LCOR: variants seen among roughly 807,000 people sequenced by gnomAD.
LCOR encodes ligand dependent nuclear receptor corepressor.
A neutral mutation model predicts 64.4 loss-of-function variants in LCOR; 14 were observed. The observed-to-expected ratio is 0.22, with a 90% CI of 0.14 to 0.34. LCOR has a LOEUF of 0.34. LCOR is among the 10% of genes least tolerant of loss of function. LCOR has a pLI of 1.00. For synonymous variants in LCOR, 643 were observed against 642.5 expected (o/e 1.00, Z -0.01); for missense variants, 1,686 against 1,765.3 (o/e 0.96, Z 0.80).
At chr10:96,888,363 CAAAAAAAAAAAAAAAA>C (rs61076542) in intron 2 of LCOR, among the ~76,000 whole-genome samples, 1 of 30,544 alleles carries the variant, frequency 3.3e-5, no homozygotes, top group Non-Finnish European at 5.3e-5. Context: ...GACTCCGTCT[CAAAAAAAAAAAAAAAA>C]AAAAAAAAAA....
chr10:96,962,386 G>A (rs1418286984), intron 7 of LCOR: 1 of 152,188 alleles, frequency 6.6e-6, no homozygotes, highest in Non-Finnish European at 1.5e-5. Flanking sequence ...TGAAATTCAA[G>A]CCTTTTTACT....
rs1051316911 is a variant in LCOR, at chr10:96,909,088, A to G, written c.-184+1341A>G. Among the ~76,000 whole-genome samples, 5 of 151,442 alleles carry G rather than the reference A, an allele frequency of 3.3e-5. No homozygotes were observed. In the South Asian group the frequency reaches 1.0e-3, roughly 32 times the overall value. On this transcript the variant is annotated intron_variant, in intron 4 of 7. Coordinates refer to ENST00000421806, the MANE Select transcript of LCOR (RefSeq NM_001346516.2). ...CAGTTTTTCCCTCACAACGAATTTC[A>G]TTTTTTTTCATTTCCACAATCATTA...
intron 7 of LCOR, chr10:96,957,147 G>C (rs1372732272): frequency 2.0e-6 from 2 of 984,840 alleles, no homozygotes; most frequent in Non-Finnish European, 2.4e-6. Context: ...CTAGTAGAAG[G>C]GGGAGGGAGA....
intron 2 of LCOR, among the ~76,000 whole-genome samples, chr10:96,901,858 C>T (rs1463455663): frequency 6.6e-6 from 1 of 152,150 alleles, no homozygotes; most frequent in African/African-American, 2.4e-5. Context: ...CACCTTACAC[C>T]TCCTGGGTTC....
intron 4 of LCOR, among the ~76,000 whole-genome samples, chr10:96,919,804 T>C (rs1459841207): frequency 6.6e-6 from 1 of 152,202 alleles, no homozygotes; most frequent in African/African-American, 2.4e-5. Context: ...CTTATGTTTT[T>C]CTATATTGTT....
intron 1 of LCOR, chr10:96,832,896 GC>G: frequency 6.6e-6 from 5 of 760,004 alleles, no homozygotes; most frequent in Non-Finnish European, 8.0e-6. Flanking sequence ...CGCGGGGCGC[GC>G]CCCCGGGTCT....
chr10:96,956,603 C>G (rs935851581), intron 7 of LCOR: 3 of 985,664 alleles, frequency 3.0e-6, no homozygotes, highest in Non-Finnish European at 3.6e-6. Flanking sequence ...AATGTGCACA[C>G]ACTACCTTCA....
chr10:96,943,395 T>C (rs1847532070), intron 4 of LCOR, among the ~76,000 whole-genome samples: 2 of 152,232 alleles, frequency 1.3e-5, no homozygotes, highest in South Asian at 4.1e-4. Flanking sequence ...CCTCGCCTGG[T>C]CAGATTCACT....
In LCOR at chr10:96,987,330, A is replaced by G. The variant is rs926598233; in HGVS notation, c.*2196A>G. 3.9e-5 allele frequency: 6 copies of G among 152,238 alleles called. No individual in the cohort carries two copies. The highest frequency in any genetic ancestry group is 8.8e-5 in the Non-Finnish European group (6 of 68,054). 9.4% of individuals were successfully genotyped at this position (152,238 alleles called of 1,614,324 possible). ...ATGTCAGGCATGCTGATTCCTGTACAGAAGAGGTGCCCCGTTGGCTGCATA... is the reference window on the plus strand; with the variant it reads ...ATGTCAGGCATGCTGATTCCTGTACGGAAGAGGTGCCCCGTTGGCTGCATA... On this transcript the variant is annotated 3_prime_UTR_variant, in exon 8 of 8. Transcript: ENST00000421806.
chr10:96,834,222 G>A (rs2134354727), intron 2 of LCOR, among the ~76,000 whole-genome samples: 1 of 152,292 alleles, frequency 6.6e-6, no homozygotes, highest in East Asian at 1.9e-4. Flanking sequence ...ATGCTTTAAG[G>A]TATCTGATAC....
intron 2 of LCOR, among the ~76,000 whole-genome samples, chr10:96,847,951 T>C (rs1845660574): frequency 6.6e-6 from 1 of 152,224 alleles, no homozygotes. Flanking sequence ...TTAAACTTTA[T>C]TTTGGAAAAA....
rs1464822559 is a variant in LCOR, at chr10:96,981,718, A to G, written c.1258A>G (p.Lys420Glu). 6.2e-7 allele frequency: 1 copy of G among 1,614,112 alleles called. No individual in the cohort carries two copies. Among genetic ancestry groups the G allele is most frequent in the Non-Finnish European group, 8.5e-7 (1 of 1,180,048 alleles). Residue 420 changes from lysine (K) to glutamate (E), a missense_variant, in exon 8 of 8, where the codon AAA becomes GAA. Physicochemically the swap from Lys to Glu is moderately conservative, Grantham distance 56. Transcript: ENST00000421806. ...TGATAAGGGCCAGTTTGATCATTCC[A>G]AAGATGGTTGGTTAGGCCCCGGCCC... is the stretch of plus-strand genomic sequence containing the variant. ...PSDKGQFDHS[K>E]DGWLGPGPMP...
At chr10:96,833,053 G>C (rs1845373721) in intron 1 of LCOR, 1 of 986,328 alleles carries the variant, frequency 1.0e-6, no homozygotes, top group Admixed American at 6.1e-5. Context: ...TGGCCGCGGG[G>C]GGCAGCGGCT....
intron 4 of LCOR, among the ~76,000 whole-genome samples, chr10:96,942,177 C>T (rs1168870975): frequency 1.4e-4 from 20 of 140,732 alleles, no homozygotes; most frequent in South Asian, 4.7e-4. Flanking sequence ...AACGAGACTC[C>T]GTCTGCAATC....
chr10:96,907,885 T>C (rs1481022402), intron 4 of LCOR, 138 bp downstream of exon 4: 3 of 176,668 alleles, frequency 1.7e-5, no homozygotes, highest in African/African-American at 7.2e-5. Flanking sequence ...AAGAGTTTGA[T>C]AGTAATCCTG....
chr10:96,906,724 A>G lies in LCOR; in HGVS notation c.-329-541A>G, dbSNP rs149377039. 1.9e-3 allele frequency among the ~76,000 whole-genome samples: 291 copies of G among 152,290 alleles called. 2 individuals carry two copies. Among genetic ancestry groups the G allele is most frequent in the African/African-American group, 6.8e-3 (282 of 41,562 alleles). On this transcript the variant is annotated intron_variant, in intron 2 of 7. Transcript: ENST00000421806. ...GGAACCAGTACATAGTTATTGTGGC[A>G]ATGTTAAATACTTACAAAAGTCTTT... is the stretch of plus-strand genomic sequence containing the variant.
Position 96,956,231 on chromosome 10 carries a change from G to GT in LCOR, c.332+4044dup, listed in dbSNP as rs200772895. The GT allele has an allele frequency of 3.8e-3, 3,856 of 1,026,648 alleles. 48 individuals are homozygous for GT. In the African/African-American group the frequency reaches 0.041, roughly 11 times the overall value. The allele number at this position is 1,026,648 out of a possible 1,614,324, so 63.6% of individuals were successfully genotyped here. A position where few individuals can be genotyped will look rare whatever the true frequency, so the allele number is the denominator to read the frequency against. ...GCCTGTAGAGCCTGCATGCTTTTTT[G>GT]TTTTTTTTTGTTGTTGTTGTTTTTT... On this transcript the variant is annotated intron_variant, in intron 7 of 7. Transcript: ENST00000421806.
At chr10:96,876,522 TAAA>T (rs1052252691) in intron 2 of LCOR, among the ~76,000 whole-genome samples, 72 of 152,260 alleles carry the variant, frequency 4.7e-4, no homozygotes, top group African/African-American at 9.6e-4. Flanking sequence ...GCCATATAAT[TAAA>T]AAGCAAATAG....
At chr10:96,898,890 TTAAGA>T (rs928303020) in intron 2 of LCOR, among the ~76,000 whole-genome samples, 8 of 152,142 alleles carry the variant, frequency 5.3e-5, no homozygotes, top group Non-Finnish European at 7.4e-5. Context: ...ATTATAATTG[TTAAGA>T]TAAGAGATAG....
Sources: allele counts gnomAD v4.1 joint callset (sites outside exome capture counted in the v4.1 genomes callset), GRCh38; gene constraint gnomAD v4.1.1; transcripts MANE v1.5; gene names NCBI Gene and HGNC (gene_info 2026-07-23, HGNC 2026-07-21).